DENND1A: variants seen among roughly 807,000 people sequenced by gnomAD.
The protein encoded by DENND1A is DENN domain-containing protein 1A.
DENND1A carries 51 observed loss-of-function variants against 113.7 expected under a neutral mutation model. The ratio of observed to expected loss-of-function variants is 0.45; its 90% confidence interval spans 0.36 to 0.57. The LOEUF is 0.57. DENND1A is among the 20% of genes least tolerant of loss of function. The pLI is 0.00. For synonymous variants in DENND1A, 565 were observed against 570.8 expected (o/e 0.99, Z 0.14); for missense variants, 1,258 against 1,395.9 (o/e 0.90, Z 1.57).
At chr9:123,818,651 C>G (rs1837975537) in intron 2 of DENND1A, among the ~76,000 whole-genome samples, 1 of 151,812 alleles carries the variant, frequency 6.6e-6, no homozygotes. Context: ...ACATACCTTA[C>G]ACACATAGCC....
At chr9:123,626,462 T>A (rs1025760580) in intron 10 of DENND1A, among the ~76,000 whole-genome samples, 1 of 151,968 alleles carries the variant, frequency 6.6e-6, no homozygotes, top group East Asian at 1.9e-4. Flanking sequence ...TCCTGCTTTT[T>A]CTCACTCTCT....
chr9:123,901,767 G>C (rs1461827406), intron 1 of DENND1A, among the ~76,000 whole-genome samples: 1 of 152,146 alleles, frequency 6.6e-6, no homozygotes, highest in Non-Finnish European at 1.5e-5. Context: ...CACTGTGGGA[G>C]GCTGAGGCGG....
intron 13 of DENND1A, among the ~76,000 whole-genome samples, chr9:123,485,977 G>A (rs2050827298): frequency 6.6e-6 from 1 of 152,168 alleles, no homozygotes; most frequent in African/African-American, 2.4e-5. Context: ...GGGAACAAGG[G>A]GTTGATTCCC....
chr9:123,592,099 T>C (rs999953176), intron 11 of DENND1A, among the ~76,000 whole-genome samples: 6 of 152,180 alleles, frequency 3.9e-5, no homozygotes, highest in Non-Finnish European at 5.9e-5. Context: ...AGATACTAGG[T>C]ATGAAGATTT....
chr9:123,892,915 G>A (rs1850140921), intron 1 of DENND1A, among the ~76,000 whole-genome samples: 2 of 152,130 alleles, frequency 1.3e-5, no homozygotes, highest in African/African-American at 4.8e-5. Flanking sequence ...CTGAGAGGCA[G>A]GGGTTGCGGG....
intron 13 of DENND1A, among the ~76,000 whole-genome samples, chr9:123,520,148 A>C (rs34091465): frequency 0.064 from 3,360 of 52,430 alleles, 49 homozygotes; most frequent in African/African-American, 0.16. Flanking sequence ...ATCCTGTCTC[A>C]AAAAAAAAAA....
intron 2 of DENND1A, among the ~76,000 whole-genome samples, chr9:123,801,930 T>A (rs553883872): frequency 2.0e-5 from 3 of 152,242 alleles, no homozygotes; most frequent in Non-Finnish European, 4.4e-5. Flanking sequence ...GCATCACTCA[T>A]AAATGTGACC....
chr9:123,727,795 CAAAG>C (rs986897375), intron 5 of DENND1A, among the ~76,000 whole-genome samples: 6 of 151,848 alleles, frequency 4.0e-5, no homozygotes, highest in African/African-American at 1.5e-4. Flanking sequence ...CACAAAACAC[CAAAG>C]AAAGAAATCA....
intron 1 of DENND1A, among the ~76,000 whole-genome samples, chr9:123,905,061 T>C (rs1281759827): frequency 6.6e-6 from 1 of 151,930 alleles, no homozygotes; most frequent in Non-Finnish European, 1.5e-5. Flanking sequence ...TTCAACATTC[T>C]TAAAGAAAAG....
intron 18 of DENND1A, among the ~76,000 whole-genome samples, chr9:123,441,121 C>T (rs2046901365): frequency 6.6e-6 from 1 of 152,138 alleles, no homozygotes; most frequent in Admixed American, 6.5e-5. Context: ...CAGATATAAA[C>T]ATTTTCAAGG....
intron 18 of DENND1A, among the ~76,000 whole-genome samples, chr9:123,442,261 C>T (rs1313771146): frequency 1.3e-5 from 2 of 152,164 alleles, no homozygotes. Flanking sequence ...GAGATGATGA[C>T]CTCCTGGCTT....
intron 2 of DENND1A, among the ~76,000 whole-genome samples, chr9:123,818,551 CACACACACACACACACAT>C (rs1361239227): frequency 4.7e-4 from 69 of 148,034 alleles, no homozygotes; most frequent in Middle Eastern, 6.8e-3. Context: ...CACACACACA[CACACACACACACACACAT>C]ATATATATAT....
chr9:123,762,049 T>C (rs1230247079), intron 4 of DENND1A, among the ~76,000 whole-genome samples: 4 of 152,154 alleles, frequency 2.6e-5, no homozygotes, highest in African/African-American at 7.2e-5. Flanking sequence ...TTTTCCAAGG[T>C]TATCAGGACT....
At chr9:123,613,111 C>T (rs531959025) in intron 10 of DENND1A, among the ~76,000 whole-genome samples, 1 of 152,296 alleles carries the variant, frequency 6.6e-6, no homozygotes, top group Admixed American at 6.5e-5. Flanking sequence ...GGATTTCTGA[C>T]TCCCAAGCAC....
intron 1 of DENND1A, among the ~76,000 whole-genome samples, chr9:123,880,260 G>A (rs899359356): frequency 2.0e-5 from 3 of 152,044 alleles, no homozygotes; most frequent in African/African-American, 7.2e-5. Context: ...TAATCCACCC[G>A]CCTTGGCCTC....
At chr9:123,685,997 GA>G (rs35695925) in intron 5 of DENND1A, among the ~76,000 whole-genome samples, 38,368 of 142,674 alleles carry the variant, frequency 0.27, 5,177 homozygotes, top group Admixed American at 0.33. Context: ...GTCTCTACTA[GA>G]AAAAAAAAAA....
intron 19 of DENND1A, among the ~76,000 whole-genome samples, chr9:123,425,262 T>A (rs1043969127): frequency 3.3e-5 from 5 of 152,278 alleles, no homozygotes; most frequent in African/African-American, 1.2e-4. Flanking sequence ...CTTGTCCTGT[T>A]GGGCTCAATA....
intron 13 of DENND1A, among the ~76,000 whole-genome samples, chr9:123,551,097 T>A (rs540022038): frequency 5.5e-4 from 84 of 152,254 alleles, no homozygotes; most frequent in Non-Finnish European, 1.1e-3. Flanking sequence ...GGTAGCTCTG[T>A]CATTTAAGTC....
chr9:123,425,463 G>T (rs1448712053), intron 19 of DENND1A, among the ~76,000 whole-genome samples: 1 of 152,266 alleles, frequency 6.6e-6, no homozygotes, highest in African/African-American at 2.4e-5. Context: ...AGCGCGTGCA[G>T]GCGCCGCAGA....
Sources: gnomAD v4.1 joint callset for allele counts (sites outside exome capture counted in the v4.1 genomes callset) on GRCh38, gnomAD v4.1.1 for gene constraint, MANE v1.5 for transcripts, NCBI Gene and HGNC (gene_info 2026-07-23, HGNC 2026-07-21) for gene names.